PAX5: variants seen among roughly 807,000 people sequenced by gnomAD.
PAX5 encodes paired box protein Pax-5.
Under a neutral mutation model 43.7 loss-of-function variants are expected in PAX5, and 9 were observed. The observed-to-expected ratio is 0.21, with a 90% CI of 0.12 to 0.36. The LOEUF (loss-of-function observed/expected upper bound fraction) is 0.36, where lower values mean the gene tolerates loss of function less well. Among genes scored for constraint, PAX5 ranks in the 10% least tolerant of loss-of-function variants. The probability of loss-of-function intolerance (pLI) is 1.00; values close to 1 mark genes in which losing one functional copy is unlikely to be tolerated. For missense variants in PAX5, 383 were observed against 532.7 expected, an observed-to-expected ratio of 0.72 and a Z score of 2.77; for synonymous variants, 228 against 214.3, an observed-to-expected ratio of 1.06 and a Z score of -0.56.
At chr9:37,026,064 C>T (rs1436282058) in intron 1 of PAX5, among the ~76,000 whole-genome samples, 1 of 152,236 alleles carries the variant, frequency 6.6e-6, no homozygotes, top group African/African-American at 2.4e-5. Context: ...ACCTCTTCCT[C>T]CACACATACA....
intron 6 of PAX5, among the ~76,000 whole-genome samples, chr9:36,960,617 G>C (rs1482694379): frequency 1.3e-5 from 2 of 152,202 alleles, no homozygotes; most frequent in Non-Finnish European, 2.9e-5. Flanking sequence ...CCCAGTGAAG[G>C]TTGCTTCCAA....
chr9:36,991,706 C>A (rs1231903801), intron 5 of PAX5, among the ~76,000 whole-genome samples: 3 of 102,646 alleles, frequency 2.9e-5, no homozygotes, highest in African/African-American at 9.7e-5. Context: ...TACCCTACCC[C>A]TCTTGTTCCT....
chr9:36,847,322 T>C (rs934764118), intron 8 of PAX5, among the ~76,000 whole-genome samples: 1 of 152,204 alleles, frequency 6.6e-6, no homozygotes, highest in Admixed American at 6.5e-5. Context: ...GACTGCTTGG[T>C]TCTCATCCCT....
At chr9:36,925,227 G>T (rs925288763) in intron 6 of PAX5, among the ~76,000 whole-genome samples, 1 of 152,186 alleles carries the variant, frequency 6.6e-6, no homozygotes, top group Non-Finnish European at 1.5e-5. Context: ...GCAGGCCCAG[G>T]CTCTAGATGA....
chr9:36,908,191 C>G (rs1424561761), intron 7 of PAX5, among the ~76,000 whole-genome samples: 1 of 148,004 alleles, frequency 6.8e-6, no homozygotes, highest in Non-Finnish European at 1.5e-5. Context: ...AGGGTAAGAC[C>G]CTGTTTCAAA....
chr9:36,879,344 G>A (rs1234455499), intron 8 of PAX5, among the ~76,000 whole-genome samples: 1 of 152,266 alleles, frequency 6.6e-6, no homozygotes, highest in Non-Finnish European at 1.5e-5. Flanking sequence ...ACTTGGCAAA[G>A]TTCAGCTGCT....
At chr9:36,955,797 A>G (rs889923920) in intron 6 of PAX5, among the ~76,000 whole-genome samples, 6 of 138,006 alleles carry the variant, frequency 4.3e-5, no homozygotes, top group African/African-American at 1.1e-4. Context: ...ATATATATAT[A>G]TATATACCCA....
chr9:36,994,007 G>A (rs1837166661), intron 5 of PAX5, among the ~76,000 whole-genome samples: 2 of 152,182 alleles, frequency 1.3e-5, no homozygotes, highest in Admixed American at 1.3e-4. Context: ...CAGCGGCGTT[G>A]GCTCTCACGG....
rs1471321632 is a variant in PAX5 at position 36,833,431 on chromosome 9, T to G, written c.*7129A>C. ...GATATTGAAACTACGCCAATCTTAT[T>G]GCATGTTTCTCCAACTAATCTAAAA... On this transcript the variant is annotated 3_prime_UTR_variant, in exon 10 of 10. Coordinates refer to ENST00000358127, the MANE Select transcript of PAX5 (RefSeq NM_016734.3). 2 of 233,098 alleles carry G rather than the reference T, an allele frequency of 8.6e-6. No homozygotes were observed. Among genetic ancestry groups the G allele is most frequent in the Non-Finnish European group, 1.7e-5 (2 of 118,044 alleles). 14.4% of individuals were successfully genotyped at this position (233,098 alleles called of 1,614,324 possible). A position where few individuals can be genotyped will look rare whatever the true frequency, so the allele number is the denominator to read the frequency against.
At chr9:37,017,650 C>T (rs1839495099) in intron 2 of PAX5, among the ~76,000 whole-genome samples, 1 of 152,256 alleles carries the variant, frequency 6.6e-6, no homozygotes, top group Non-Finnish European at 1.5e-5. Flanking sequence ...ATTCACATAG[C>T]AACTCTGGGA....
chr9:36,864,841 G>A (rs139360260), intron 8 of PAX5, among the ~76,000 whole-genome samples: 13 of 152,296 alleles, frequency 8.5e-5, no homozygotes, highest in East Asian at 1.9e-4. Flanking sequence ...CGCCGGAGCC[G>A]GGCTGTCAGG....
intron 8 of PAX5, among the ~76,000 whole-genome samples, chr9:36,862,414 C>T (rs1343495328): frequency 2.0e-5 from 3 of 152,142 alleles, no homozygotes; most frequent in East Asian, 3.9e-4. Flanking sequence ...TCCCCAGCAC[C>T]GCGTTCTGGG....
intron 8 of PAX5, among the ~76,000 whole-genome samples, chr9:36,859,685 G>A (rs1447804135): frequency 2.0e-5 from 3 of 152,048 alleles, no homozygotes; most frequent in East Asian, 1.9e-4. Flanking sequence ...AGGTGGAGGC[G>A]GGCAGGAATA....
At chr9:36,960,479 G>A (rs1225264896) in intron 6 of PAX5, among the ~76,000 whole-genome samples, 4 of 152,164 alleles carry the variant, frequency 2.6e-5, no homozygotes, top group South Asian at 4.1e-4. Context: ...GTGAAGGGGC[G>A]TGATGGGGAT....
At chr9:36,951,358 G>C (rs1832990138) in intron 6 of PAX5, among the ~76,000 whole-genome samples, 1 of 152,136 alleles carries the variant, frequency 6.6e-6, no homozygotes, top group Admixed American at 6.6e-5. Context: ...TTGTTCATTT[G>C]TTCATTGACA....
At chr9:36,996,481 T>G (rs1837407480) in intron 5 of PAX5, among the ~76,000 whole-genome samples, 1 of 152,236 alleles carries the variant, frequency 6.6e-6, no homozygotes, top group Non-Finnish European at 1.5e-5. Flanking sequence ...ATCTGTGAAC[T>G]CTCAATCCCA....
intron 6 of PAX5, among the ~76,000 whole-genome samples, chr9:36,932,151 T>C (rs1441672318): frequency 6.6e-6 from 1 of 152,122 alleles, no homozygotes; most frequent in Non-Finnish European, 1.5e-5. Flanking sequence ...GGCATGCCTG[T>C]AGTCCCAGCT....
intron 6 of PAX5, among the ~76,000 whole-genome samples, chr9:36,959,650 C>T (rs988094181): frequency 6.6e-6 from 1 of 152,188 alleles, no homozygotes; most frequent in African/African-American, 2.4e-5. Flanking sequence ...CTCCTGAGAT[C>T]ACACTGGTTC....
intron 6 of PAX5, among the ~76,000 whole-genome samples, chr9:36,961,312 G>A (rs1299365188): frequency 6.6e-6 from 1 of 152,216 alleles, no homozygotes; most frequent in Non-Finnish European, 1.5e-5. Flanking sequence ...TGTTAGACAA[G>A]GGGCAGATCT....
Sources: allele counts gnomAD v4.1 joint callset (sites outside exome capture counted in the v4.1 genomes callset), GRCh38; gene constraint gnomAD v4.1.1; transcripts MANE v1.5; gene names NCBI Gene and HGNC (gene_info 2026-07-23, HGNC 2026-07-21).